Variants in POLE4 observed in about 807,000 individuals in gnomAD.
POLE4 encodes DNA polymerase epsilon subunit 4.
Under a neutral mutation model 15.6 loss-of-function variants are expected in POLE4, and 15 were observed. The ratio of observed to expected loss-of-function variants is 0.96; its 90% confidence interval spans 0.64 to 1.48. POLE4 has a LOEUF of 1.48. Among genes scored for constraint, POLE4 ranks in the 40% most tolerant of loss-of-function variants. POLE4 has a pLI of 0.00. For synonymous variants in POLE4, 83 were observed against 63.2 expected (o/e 1.31, Z -1.49); for missense variants, 205 against 151.9 (o/e 1.35, Z -1.84).
rs1671194426 is a variant in POLE4, at chr2:74,960,160, C to T, written c.340+14C>T. On this transcript the variant is annotated intron_variant, in intron 3 of 3. Transcript: ENST00000483063. Reference sequence around the variant, plus strand: ...CTTTTCTGGAAGGTGAGTTCCCTCTCAGTGGGCAATCATTTCCGCCTGTCT... The same window carrying T: ...CTTTTCTGGAAGGTGAGTTCCCTCTTAGTGGGCAATCATTTCCGCCTGTCT... 1 of 1,603,006 alleles carries T rather than the reference C, an allele frequency of 6.2e-7. No homozygotes were observed. Among genetic ancestry groups the T allele is most frequent in the Non-Finnish European group, 8.5e-7 (1 of 1,169,854 alleles).
At chr2:74,968,480 CAG>C (rs1671324161) in intron 3 of POLE4, among the ~76,000 whole-genome samples, 1 of 151,918 alleles carries the variant, frequency 6.6e-6, no homozygotes, top group East Asian at 1.9e-4. Flanking sequence ...TTAGGGTGAA[CAG>C]GGGTGGGACC....
At chr2:74,964,581 ATCTT>A (rs200348769) in intron 3 of POLE4, among the ~76,000 whole-genome samples, 2,066 of 152,202 alleles carry the variant, frequency 0.014, 43 homozygotes, top group African/African-American at 0.045. Context: ...TGTTAATGGT[ATCTT>A]TCTAAAGAAA....
rs748922338 is a variant in POLE4 at position 74,958,771 on chromosome 2, C to T, written c.92C>T (p.Thr31Met). Residue 31 changes from threonine (T) to methionine (M), a missense_variant, in exon 1 of 4, where the codon ACG becomes ATG. Thr to Met is a moderately conservative substitution (Grantham distance 81, BLOSUM62 -1). Coordinates refer to ENST00000483063, the MANE Select transcript of POLE4 (RefSeq NM_019896.4). ...GCGGCCTCGCAGCCCCAGGCCCCAACGAGTGTGCCTGGGGCTCGTCTCTCG... is the reference window on the plus strand; with the variant it reads ...GCGGCCTCGCAGCCCCAGGCCCCAATGAGTGTGCCTGGGGCTCGTCTCTCG... ...EAAASQPQAP[T>M]SVPGARLSRL... The T allele has an allele frequency of 6.5e-7, 1 of 1,546,120 alleles. No homozygotes were observed. The highest frequency in any genetic ancestry group is 1.4e-5 in the African/African-American group (1 of 72,286).
rs1188500110 is a variant in POLE4, at chr2:74,969,519, C to T, written c.*97C>T. ...TTGAAGAACGGAGTCTTTGCACTTA[C>T]ACACACTCTTCCTGTTCTGCCTTCA... On this transcript the variant is annotated 3_prime_UTR_variant, in exon 4 of 4. Transcript: ENST00000483063. 1.9e-6 allele frequency: 2 copies of T among 1,059,086 alleles called. No individual in the cohort carries two copies. The highest frequency in any genetic ancestry group is 2.1e-4 in the Middle Eastern group (1 of 4,856). 65.6% of individuals were successfully genotyped at this position (1,059,086 alleles called of 1,614,324 possible).
chr2:74,962,874 T>C (rs902435941), intron 3 of POLE4, among the ~76,000 whole-genome samples: 3 of 152,252 alleles, frequency 2.0e-5, no homozygotes, highest in Non-Finnish European at 4.4e-5. Flanking sequence ...AGTTTTGTTT[T>C]GTTGAACTCT....
rs1468807629 is a variant in POLE4, at chr2:74,958,662, A to G, written c.-18A>G. ...GCGCGCACAGTCGGCGGCCGCGCGCAGCACGCTCAAGGCCGGGATGGCGGC... is the reference window on the plus strand; with the variant it reads ...GCGCGCACAGTCGGCGGCCGCGCGCGGCACGCTCAAGGCCGGGATGGCGGC... On this transcript the variant is annotated 5_prime_UTR_variant, in exon 1 of 4. Transcript: ENST00000483063. 2 of 1,412,444 alleles carry G rather than the reference A, an allele frequency of 1.4e-6. No individual in the cohort carries two copies. The highest frequency in any genetic ancestry group is 1.8e-6 in the Non-Finnish European group (2 of 1,090,420). The allele number at this position is 1,412,444 out of a possible 1,614,324, so 87.5% of individuals were successfully genotyped here.
In POLE4 at chr2:74,959,530, G is replaced by A. The variant is rs367915354; in HGVS notation, c.298+105G>A. ...ACTCTGATCTGAGAGGTGCCACAGC[G>A]TCTCTCCCCAGGATGGTTTCTGTTG... On this transcript the variant is annotated intron_variant, in intron 2 of 3. Coordinates refer to ENST00000483063, the MANE Select transcript of POLE4 (RefSeq NM_019896.4). 291 of 702,020 alleles carry A rather than the reference G, an allele frequency of 4.1e-4. 3 individuals carry two copies. In the South Asian group the frequency reaches 4.9e-3, roughly 12 times the overall value. The allele number at this position is 702,020 out of a possible 1,614,324, so 43.5% of individuals were successfully genotyped here.
In POLE4 at chr2:74,960,094, TTG is replaced by T. The variant is rs1454828552; in HGVS notation, c.299-7_299-6del. On this transcript the variant is annotated splice_polypyrimidine_tract_variant and intron_variant, in intron 2 of 3. Transcript: ENST00000483063. Reference sequence around the variant, plus strand: ...GAAGTTAGTCAGGTGTCTCTTTTCCTTGTGTTTCAGATAATGCAATAGAAGCT... The same window carrying T: ...GAAGTTAGTCAGGTGTCTCTTTTCCTTGTTTCAGATAATGCAATAGAAGCT... The T allele has an allele frequency of 6.2e-7, 1 of 1,613,300 alleles. No homozygotes were observed. The highest frequency in any genetic ancestry group is 8.5e-7 in the Non-Finnish European group (1 of 1,179,270).
intron 2 of POLE4, 55 bp downstream of exon 2, chr2:74,959,480 C>T: frequency 3.4e-6 from 4 of 1,172,464 alleles, no homozygotes; most frequent in Non-Finnish European, 5.1e-6. Flanking sequence ...GGCTGGTTTC[C>T]CCTTGTGCAG....
intron 3 of POLE4, among the ~76,000 whole-genome samples, chr2:74,963,866 G>T (rs1671261256): frequency 6.6e-6 from 1 of 151,564 alleles, no homozygotes; most frequent in South Asian, 2.1e-4. Context: ...CTCCTTAAAA[G>T]GTTGTCTTTT....
rs777308532 is a variant in POLE4, at chr2:74,969,463, T to C, written c.*41T>C. ...GTTTTGTGAGCCTTCATCTGAAGCC[T>C]TCAGTTCACCCCTCTGCACAGGCCT... is the stretch of plus-strand genomic sequence containing the variant. On this transcript the variant is annotated 3_prime_UTR_variant, in exon 4 of 4. Coordinates refer to ENST00000483063, the MANE Select transcript of POLE4 (RefSeq NM_019896.4). 1 of 1,599,974 alleles carries C rather than the reference T, an allele frequency of 6.3e-7. No individual in the cohort carries two copies.
At chr2:74,962,950 A>T (rs1416630707) in intron 3 of POLE4, among the ~76,000 whole-genome samples, 3 of 152,246 alleles carry the variant, frequency 2.0e-5, no homozygotes, top group Non-Finnish European at 4.4e-5. Flanking sequence ...TTTTAAGTTA[A>T]CACATTTATG....
chr2:74,967,556 T>C (rs181158773), intron 3 of POLE4, among the ~76,000 whole-genome samples: 16 of 152,354 alleles, frequency 1.1e-4, no homozygotes, highest in African/African-American at 3.8e-4. Flanking sequence ...TGACCTAATA[T>C]TCAAAGCCTT....
intron 3 of POLE4, among the ~76,000 whole-genome samples, chr2:74,963,681 G>A (rs1000261381): frequency 1.3e-5 from 2 of 151,930 alleles, no homozygotes; most frequent in Non-Finnish European, 2.9e-5. Context: ...GTAGAGATGG[G>A]GTTTCACTGT....
intron 3 of POLE4, among the ~76,000 whole-genome samples, chr2:74,962,572 A>T (rs1299149734): frequency 1.3e-5 from 2 of 152,186 alleles, no homozygotes; most frequent in Non-Finnish European, 2.9e-5. Context: ...TTATGCAAAT[A>T]TGTTTGTATG....
intron 2 of POLE4, 74 bp downstream of exon 2, chr2:74,959,499 G>C: frequency 1.1e-6 from 1 of 942,930 alleles, no homozygotes; most frequent in Non-Finnish European, 1.7e-6. Context: ...AGGTTGAGAA[G>C]ACGTCACTCT....
In POLE4 at chr2:74,969,936, T is replaced by C. The variant is rs575786897; in HGVS notation, c.*514T>C. On this transcript the variant is annotated 3_prime_UTR_variant, in exon 4 of 4. Transcript: ENST00000483063. ...CACCACTTGCCCTCAGGAGTTCAAA[T>C]AAATATGGTCCTAGATTGAAAGCCA... The C allele has an allele frequency of 6.4e-6, 1 of 155,068 alleles. No homozygotes were observed. The highest frequency in any genetic ancestry group is 1.9e-4 in the East Asian group (1 of 5,368). The allele number at this position is 155,068 out of a possible 1,614,324, so 9.6% of individuals were successfully genotyped here.
At chr2:74,962,617 A>G (rs920306164) in intron 3 of POLE4, among the ~76,000 whole-genome samples, 2 of 152,170 alleles carry the variant, frequency 1.3e-5, no homozygotes, top group African/African-American at 4.8e-5. Context: ...GTCATATGAA[A>G]TACAACGTAT....
rs1420928705 is a variant in POLE4, at chr2:74,958,648, C to A, written c.-32C>A. On this transcript the variant is annotated 5_prime_UTR_variant, in exon 1 of 4. Transcript: ENST00000483063. ...CCTGCGCCGCATGCGCGCGCACAGT[C>A]GGCGGCCGCGCGCAGCACGCTCAAG... is the stretch of plus-strand genomic sequence containing the variant. 3 of 1,393,016 alleles carry A rather than the reference C, an allele frequency of 2.2e-6. No individual in the cohort carries two copies. Among genetic ancestry groups the A allele is most frequent in the African/African-American group, 3.1e-5 (2 of 65,144 alleles). 86.3% of individuals were successfully genotyped at this position (1,393,016 alleles called of 1,614,324 possible). A position where few individuals can be genotyped will look rare whatever the true frequency, so the allele number is the denominator to read the frequency against.
Sources: gnomAD v4.1 joint callset for allele counts (sites outside exome capture counted in the v4.1 genomes callset) on GRCh38, gnomAD v4.1.1 for gene constraint, MANE v1.5 for transcripts, NCBI Gene and HGNC (gene_info 2026-07-23, HGNC 2026-07-21) for gene names.